The following LITAF variants were observed in gnomAD, a reference collection of about 807,000 sequenced individuals.
The protein encoded by LITAF is lipopolysaccharide induced TNF factor, also known as lipopolysaccharide-induced tumor necrosis factor-alpha factor.
In LITAF, 9 loss-of-function variants were observed where a neutral mutation model predicts 14.5. The ratio of observed to expected loss-of-function variants is 0.62; its 90% confidence interval spans 0.37 to 1.08. LITAF has a LOEUF of 1.08. Among genes scored for constraint, LITAF ranks in the 50% least tolerant of loss-of-function variants. The pLI, the probability that LITAF is intolerant of heterozygous loss-of-function variation, is 0.01. For missense variants in LITAF, 206 were observed against 213.4 expected (o/e 0.97, Z 0.22); for synonymous variants, 98 against 88.2 (o/e 1.11, Z -0.62).
At position 11,548,895 on chromosome 16, in the gene LITAF, T is replaced by G. The variant is rs1314610799; in HGVS notation, c.*742A>C. 1 of 453,582 alleles carries G rather than the reference T, an allele frequency of 2.2e-6. No individual in the cohort carries two copies. The highest frequency in any genetic ancestry group is 2.4e-5 in the Admixed American group (1 of 42,516). 28.1% of individuals were successfully genotyped at this position (453,582 alleles called of 1,614,324 possible). On this transcript the variant is annotated 3_prime_UTR_variant, in exon 4 of 4. Coordinates refer to ENST00000622633, the MANE Select transcript of LITAF (RefSeq NM_001136472.2). ...AAAAACTGTTCATATAATTACTCTA[T>G]GAGAAAAAAATCCCTGTATGGAAAG...
At chr16:11,633,878 C>T (rs768555797) in intron 2 of LITAF, among the ~76,000 whole-genome samples, 17 of 152,320 alleles carry the variant, frequency 1.1e-4, no homozygotes, top group Non-Finnish European at 2.4e-4. Flanking sequence ...GGACCCCTTT[C>T]TGGTAACAGT....
In LITAF at chr16:11,586,807, C is replaced by T. The variant is rs1434430333; in HGVS notation, c.-6+79G>A. The T allele has an allele frequency of 6.6e-6, 1 of 151,882 alleles. No individual in the cohort carries two copies. The highest frequency in any genetic ancestry group is 1.9e-4 in the South Asian group (1 of 5,318). The allele number at this position is 151,882 out of a possible 1,614,324, so 9.4% of individuals were successfully genotyped here. ...AGCCAAGGGCTCAGTGCCCGGGGCC[C>T]CCAGCAGGTGCTGGCGCCACCGGCC... On this transcript the variant is annotated intron_variant, in intron 1 of 3. Transcript: ENST00000622633. The surrounding 1 kb of genome is among the most constrained non-coding windows in gnomAD (Gnocchi z 6.5).
intron 1 of LITAF, among the ~76,000 whole-genome samples, chr16:11,569,004 A>G (rs1389517101): frequency 6.6e-6 from 1 of 152,084 alleles, no homozygotes; most frequent in Non-Finnish European, 1.5e-5. Flanking sequence ...AAGGAGTCTC[A>G]GGGCCTTTCT....
chr16:11,559,778 T>C (rs2064330408), intron 1 of LITAF, among the ~76,000 whole-genome samples: 1 of 149,600 alleles, frequency 6.7e-6, no homozygotes, highest in Non-Finnish European at 1.5e-5. Flanking sequence ...GAGGATGGCT[T>C]GAGCCCAGGC....
intron 3 of LITAF, among the ~76,000 whole-genome samples, chr16:11,618,802 G>C (rs1328446809): frequency 6.6e-6 from 1 of 151,966 alleles, no homozygotes; most frequent in Non-Finnish European, 1.5e-5. Flanking sequence ...GGCTAACATG[G>C]TGAAACCCTG....
chr16:11,596,460 A>G (rs1170517082), intron 1 of LITAF, among the ~76,000 whole-genome samples: 1 of 89,494 alleles, frequency 1.1e-5, no homozygotes, highest in Non-Finnish European at 2.0e-5. Context: ...ATAGAGGAGG[A>G]GGAGGAGGAA....
At chr16:11,550,995 G>A (rs868537350) in intron 3 of LITAF, among the ~76,000 whole-genome samples, 20 of 152,232 alleles carry the variant, frequency 1.3e-4, no homozygotes, top group African/African-American at 4.6e-4. Context: ...TAGACAGGCT[G>A]CTTCTTACAG....
chr16:11,620,675 T>C (rs2065044795), intron 3 of LITAF, among the ~76,000 whole-genome samples: 1 of 152,236 alleles, frequency 6.6e-6, no homozygotes, highest in Non-Finnish European at 1.5e-5. Context: ...AAATAGGTCA[T>C]TTCTATTCTG....
At chr16:11,625,419 T>C (rs1409119071) in intron 3 of LITAF, among the ~76,000 whole-genome samples, 8 of 152,088 alleles carry the variant, frequency 5.3e-5, no homozygotes, top group Non-Finnish European at 8.8e-5. Flanking sequence ...CGTACCACCA[T>C]GCCAGGCTCA....
chr16:11,629,032 C>T (rs138978766), intron 3 of LITAF: 2 of 151,360 alleles, frequency 1.3e-5, no homozygotes, highest in Non-Finnish European at 2.9e-5. Context: ...TGGCCTTGAA[C>T]TCCTGGCCTC....
intron 3 of LITAF, among the ~76,000 whole-genome samples, chr16:11,612,096 G>C (rs1263489807): frequency 1.3e-5 from 2 of 152,196 alleles, no homozygotes; most frequent in African/African-American, 2.4e-5. Context: ...CTGGCAAAGA[G>C]GGTTATGTGG....
upstream of LITAF, among the ~76,000 whole-genome samples, chr16:11,588,853 CTCCT>C (rs35954261): frequency 3.2e-3 from 487 of 150,134 alleles, 2 homozygotes; most frequent in Non-Finnish European, 4.4e-3. Flanking sequence ...CCAACCTTTT[CTCCT>C]TCCTTCCTTC....
intron 3 of LITAF, among the ~76,000 whole-genome samples, chr16:11,613,703 G>A (rs530133850): frequency 7.9e-5 from 12 of 152,332 alleles, no homozygotes; most frequent in Admixed American, 3.3e-4. Context: ...CTTACAGGGA[G>A]CACAGCCGGA....
intron 1 of LITAF, among the ~76,000 whole-genome samples, chr16:11,574,407 G>C (rs1018063560): frequency 6.6e-6 from 1 of 152,148 alleles, no homozygotes; most frequent in Admixed American, 6.6e-5. Context: ...TTAACGGTCG[G>C]TGTTTGTCGG....
chr16:11,632,356 A>C lies in LITAF; in HGVS notation c.85+1177T>G, dbSNP rs2065122334. Among the ~76,000 whole-genome samples, 1 of 152,040 alleles carries C rather than the reference A, an allele frequency of 6.6e-6. No homozygotes were observed. Among genetic ancestry groups the C allele is most frequent in the Non-Finnish European group, 1.5e-5 (1 of 67,986 alleles). On this transcript the variant is annotated intron_variant, in intron 3 of 3. Transcript: ENST00000574848. The surrounding 1 kb of genome is among the most constrained non-coding windows in gnomAD (Gnocchi z 4.8). ...GACGACTGGCTCAACCCTGGAGAGAAGGTGAAGGAGGCACCGAGATGACAG... is the reference window on the plus strand; with the variant it reads ...GACGACTGGCTCAACCCTGGAGAGACGGTGAAGGAGGCACCGAGATGACAG...
At chr16:11,570,857 G>T (rs971089168) in intron 1 of LITAF, among the ~76,000 whole-genome samples, 2 of 152,080 alleles carry the variant, frequency 1.3e-5, no homozygotes, top group African/African-American at 4.8e-5. Flanking sequence ...GGTTGAGGCT[G>T]CAGTGAGCCA....
chr16:11,616,248 C>A (rs577963238), intron 3 of LITAF, among the ~76,000 whole-genome samples: 1 of 152,072 alleles, frequency 6.6e-6, no homozygotes, highest in Admixed American at 6.6e-5. Context: ...CTGAAGCAGG[C>A]AGATCCCTTG....
rs2141723711 is a variant in LITAF at position 11,558,006 on chromosome 16, T to C, written c.-5-1271A>G. ...GTGCTGTTCTTTGTGTGGCTGTTTT[T>C]CTAACTGGGCAGGGTTCAGGCTGCC... On this transcript the variant is annotated intron_variant, in intron 1 of 3. Transcript: ENST00000622633. This position sits in a 1 kb window ranked among gnomAD's most constrained non-coding sequence, Gnocchi z 4.1. 6.6e-6 allele frequency among the ~76,000 whole-genome samples: 1 copy of C among 152,252 alleles called. No homozygotes were observed. Among genetic ancestry groups the C allele is most frequent in the South Asian group, 2.1e-4 (1 of 4,818 alleles).
chr16:11,587,981 G>A (rs574870998), upstream of LITAF, among the ~76,000 whole-genome samples: 3 of 152,218 alleles, frequency 2.0e-5, no homozygotes, highest in Admixed American at 1.3e-4. Context: ...TTTACCCGAG[G>A]TCCTAAAGAT....
Sources: gnomAD v4.1 joint callset for allele counts (sites outside exome capture counted in the v4.1 genomes callset) on GRCh38, gnomAD v4.1.1 for gene constraint, Gnocchi (gnomAD v3.1) non-coding constraint, MANE v1.5 for transcripts, NCBI Gene and HGNC (gene_info 2026-07-23, HGNC 2026-07-21) for gene names.